The following CASK variants were observed in gnomAD, a reference collection of about 807,000 sequenced individuals.
The protein encoded by CASK is peripheral plasma membrane protein CASK.
Under a neutral mutation model 82.9 loss-of-function variants are expected in CASK, and 4 were observed. The observed-to-expected ratio is 0.05, with a 90% CI of 0.02 to 0.11. The LOEUF is 0.11. Ranked by LOEUF, CASK falls within the 10% of genes least tolerant of loss-of-function variation. The pLI is 1.00. For missense variants in CASK, 358 were observed against 720.9 expected (o/e 0.50, Z 5.76); for synonymous variants, 259 against 253.5 (o/e 1.02, Z -0.20).
chrX:41,881,278 C>T (rs1436954661), intron 1 of CASK, among the ~76,000 whole-genome samples: 1 of 111,697 alleles, frequency 9.0e-6, no homozygotes, highest in African/African-American at 3.2e-5. Context: ...AATTACAAGA[C>T]TCACTGATAA....
intron 3 of CASK, among the ~76,000 whole-genome samples, chrX:41,756,182 G>GTGTATTTAAGTGTATGATATTGACA (rs2068890456): frequency 8.9e-6 from 1 of 112,016 alleles, no homozygotes; most frequent in Non-Finnish European, 1.9e-5. Flanking sequence ...GTCCTACAAA[G>GTGTATTTAAGTGTATGATATTGACA]CTCAGTAATT....
intron 5 of CASK, among the ~76,000 whole-genome samples, chrX:41,680,379 G>A (rs1256617219): frequency 2.7e-5 from 3 of 109,434 alleles, no homozygotes; most frequent in Non-Finnish European, 5.7e-5. Context: ...CTACTCAGGA[G>A]GCTGAGGCAG....
At chrX:41,848,480 C>A (rs941023275) in intron 2 of CASK, among the ~76,000 whole-genome samples, 1 of 111,913 alleles carries the variant, frequency 8.9e-6, no homozygotes, top group Non-Finnish European at 1.9e-5. Context: ...GCCAGGTGAT[C>A]TCTGTACACA....
intron 1 of CASK, among the ~76,000 whole-genome samples, chrX:41,869,819 A>C (rs1257070895): frequency 3.0e-5 from 3 of 99,723 alleles, no homozygotes; most frequent in Non-Finnish European, 6.1e-5. Context: ...TCTCAAAAAA[A>C]AAAAAAAAAA....
At chrX:41,663,038 A>C (rs1035022041) in intron 7 of CASK, among the ~76,000 whole-genome samples, 2 of 109,281 alleles carry the variant, frequency 1.8e-5, no homozygotes, top group Non-Finnish European at 3.8e-5. Flanking sequence ...AGGTCTCCCT[A>C]TGTTGCCCAG....
rs757353818 is a variant in CASK at position 41,792,289 on chromosome X, A to ATTT, written c.173-5009_173-5007dup. 6.1e-4 allele frequency among the ~76,000 whole-genome samples: 56 copies of ATTT among 91,394 alleles called. 1 individual carries two copies. The highest frequency in any genetic ancestry group is 1.9e-3 in the African/African-American group (48 of 25,255). The allele number at this position is 91,394 out of a possible 115,157, so 79.4% of individuals were successfully genotyped here. On this transcript the variant is annotated intron_variant, in intron 2 of 26. Transcript: ENST00000378163. ...GTTTGCTCGAGAGCATTCAATAAGG[A>ATTT]TTTTTTTTTTTTTTTTTTTGAGCTA...
At chrX:41,734,579 T>C (rs757991247) in intron 5 of CASK, among the ~76,000 whole-genome samples, 12 of 112,420 alleles carry the variant, frequency 1.1e-4, no homozygotes, top group Non-Finnish European at 2.1e-4. Flanking sequence ...TTTATATGCA[T>C]GCCTTAATTA....
chrX:41,626,718 T>C lies in CASK; in HGVS notation c.916-15A>G, dbSNP rs369866069. 82 of 1,014,742 alleles carry C rather than the reference T, an allele frequency of 8.1e-5. No individual in the cohort carries two copies. Among genetic ancestry groups the C allele is most frequent in the Non-Finnish European group, 2.9e-5 (21 of 717,580 alleles). The allele number at this position is 1,014,742 out of a possible 1,213,427, so 83.6% of individuals were successfully genotyped here. On this transcript the variant is annotated splice_polypyrimidine_tract_variant and intron_variant, in intron 9 of 26. Transcript: ENST00000378163. Reference sequence around the variant, plus strand: ...AGTACTGCACCCTAAAACAAAGAGATGAAAAAATAGATTATTAAAACAAAT... The same window carrying C: ...AGTACTGCACCCTAAAACAAAGAGACGAAAAAATAGATTATTAAAACAAAT...
chrX:41,879,162 G>T (rs1354735850), intron 1 of CASK, among the ~76,000 whole-genome samples: 2 of 111,070 alleles, frequency 1.8e-5, no homozygotes, highest in East Asian at 5.6e-4. Flanking sequence ...TACAGCTAGT[G>T]TCGTGTAAGA....
chrX:41,853,579 C>G (rs2071307503), intron 1 of CASK, among the ~76,000 whole-genome samples: 1 of 111,341 alleles, frequency 9.0e-6, no homozygotes. Flanking sequence ...AAGTGAAGTC[C>G]ATAGTAATGG....
chrX:41,877,743 A>G (rs1289047489), intron 1 of CASK, among the ~76,000 whole-genome samples: 3 of 111,713 alleles, frequency 2.7e-5, no homozygotes, highest in Non-Finnish European at 5.7e-5. Flanking sequence ...CTAAAATAAT[A>G]AAACTATCTT....
intron 3 of CASK, among the ~76,000 whole-genome samples, chrX:41,783,443 G>T (rs2069521078): frequency 9.3e-6 from 1 of 108,059 alleles, no homozygotes; most frequent in African/African-American, 3.4e-5. Flanking sequence ...CCTGTGCCTG[G>T]GAGGCTGAGG....
intron 2 of CASK, among the ~76,000 whole-genome samples, chrX:41,820,358 T>C (rs1233910359): frequency 9.0e-6 from 1 of 111,497 alleles, no homozygotes; most frequent in African/African-American, 3.2e-5. Context: ...TCAACTGTAT[T>C]TCTATATACT....
intron 3 of CASK, among the ~76,000 whole-genome samples, chrX:41,745,989 C>T (rs960737769): frequency 8.9e-6 from 1 of 111,764 alleles, no homozygotes; most frequent in Non-Finnish European, 1.9e-5. Flanking sequence ...AAAAAACAAT[C>T]TTGCTATTGT....
intron 1 of CASK, among the ~76,000 whole-genome samples, chrX:41,859,701 A>C (rs2071440746): frequency 8.9e-6 from 1 of 111,904 alleles, no homozygotes; most frequent in Non-Finnish European, 1.9e-5. Context: ...GAGTTAGGGA[A>C]GCTTCCTTCA....
At chrX:41,922,847 C>T (rs1380598600) in intron 1 of CASK, 83 bp downstream of exon 1, 33 of 871,738 alleles carry the variant, frequency 3.8e-5, no homozygotes, top group Non-Finnish European at 5.6e-5. Flanking sequence ...GGGCAGGGGG[C>T]AGGCCCCGAG....
chrX:41,684,836 A>G (rs1319462736), intron 5 of CASK, among the ~76,000 whole-genome samples: 1 of 112,015 alleles, frequency 8.9e-6, no homozygotes, highest in African/African-American at 3.2e-5. Context: ...TACTAGGACA[A>G]CTGATGAAAT....
intron 5 of CASK, among the ~76,000 whole-genome samples, chrX:41,691,986 T>C (rs1463204478): frequency 9.0e-6 from 1 of 110,830 alleles, no homozygotes; most frequent in Non-Finnish European, 1.9e-5. Flanking sequence ...CTTGAACTCC[T>C]GGTCTCAAGT....
At chrX:41,837,702 T>C (rs775011689) in intron 2 of CASK, among the ~76,000 whole-genome samples, 2 of 112,518 alleles carry the variant, frequency 1.8e-5, no homozygotes, top group Admixed American at 9.4e-5. Flanking sequence ...TAGGATTCCA[T>C]GGTATAGATG....
Sources: gnomAD v4.1 joint callset for allele counts (sites outside exome capture counted in the v4.1 genomes callset) on GRCh38, gnomAD v4.1.1 for gene constraint, MANE v1.5 for transcripts, NCBI Gene and HGNC (gene_info 2026-07-23, HGNC 2026-07-21) for gene names.